SPTBN4: variants seen among roughly 807,000 people sequenced by gnomAD.
SPTBN4 encodes the protein spectrin beta, non-erythrocytic 4.
A neutral mutation model predicts 277.8 loss-of-function variants in SPTBN4; 96 were observed. That is an observed-to-expected ratio of 0.35 (90% CI 0.29 to 0.41). The LOEUF (loss-of-function observed/expected upper bound fraction) is 0.41, where lower values mean the gene tolerates loss of function less well. Among genes scored for constraint, SPTBN4 ranks in the 10% least tolerant of loss-of-function variants. The probability of loss-of-function intolerance (pLI) is 1.00; values close to 1 mark genes in which losing one functional copy is unlikely to be tolerated. For missense variants in SPTBN4, 3,006 were observed against 3,595.7 expected, an observed-to-expected ratio of 0.84 and a Z score of 4.19; for synonymous variants, 1,481 against 1,580.3, an observed-to-expected ratio of 0.94 and a Z score of 1.49.
In SPTBN4 at chr19:40,567,850, G is replaced by T; in HGVS notation, c.6524G>T (p.Arg2175Leu). Residue 2175 changes from arginine to leucine, a missense_variant, in exon 31 of 36, where the codon CGG becomes CTG. Arg to Leu is a moderately radical substitution (Grantham distance 102). Around this residue, in one of 5 missense-constraint regions of SPTBN4, gnomAD observed 630 missense variants for 677.6 expected, o/e 0.93. Transcript: ENST00000598249. ...SDTLSAEVRT[R>L]VGYVRQELKP... Reference sequence around the variant, plus strand: ...ACGCTCTCGGCCGAGGTGCGGACTCGGGTGGGGTATGTGCGCCAGGAGCTC... The same window carrying T: ...ACGCTCTCGGCCGAGGTGCGGACTCTGGTGGGGTATGTGCGCCAGGAGCTC... 6.6e-7 allele frequency: 1 copy of T among 1,524,568 alleles called. No individual in the cohort carries two copies. 94.4% of individuals were successfully genotyped at this position (1,524,568 alleles called of 1,614,324 possible).
intron 1 of SPTBN4, among the ~76,000 whole-genome samples, chr19:40,469,993 A>C (rs1010763144): frequency 7.7e-5 from 11 of 142,194 alleles, no homozygotes; most frequent in Admixed American, 2.1e-4. Flanking sequence ...TTTTATTTTC[A>C]TTTAATTTAA....
chr19:40,504,131 A>G lies in SPTBN4; in HGVS notation c.1664A>G (p.Gln555Arg), dbSNP rs768276549. The change falls in exon 12 of 36, where the codon CAG becomes CGG. Residue 555 changes from glutamine (Q) to arginine (R), a missense_variant and splice_region_variant. Gln to Arg is a conservative substitution (Grantham distance 43). This residue lies in a region of SPTBN4 where 1,759 missense variants were observed against 2,061.5 expected (regional missense o/e 0.85). Transcript: ENST00000598249. Reference sequence around the variant, plus strand: ...ATGGTGGACTGGATGGAGGAGATGCAGGTGCCGGCGGGGGGGCGGGGATGC... The same window carrying G: ...ATGGTGGACTGGATGGAGGAGATGCGGGTGCCGGCGGGGGGGCGGGGATGC... The part of the protein sequence containing the change: ...VYMVDWMEEM[Q>R]AQLLSRECGQ... 7.6e-6 allele frequency: 5 copies of G among 661,810 alleles called. No homozygotes were observed. Among genetic ancestry groups the G allele is most frequent in the South Asian group, 2.3e-5 (1 of 43,336 alleles). The allele number at this position is 661,810 out of a possible 1,614,324, so 41.0% of individuals were successfully genotyped here.
In SPTBN4 at chr19:40,504,137, CGGCGGGGGGGCGGGGA is replaced by C; in HGVS notation, c.1665+6_1665+21del. ...GACTGGATGGAGGAGATGCAGGTGCCGGCGGGGGGGCGGGGATGCGGGTGGAGTGCCAGGAGGGAGG... is the reference window on the plus strand; with the variant it reads ...GACTGGATGGAGGAGATGCAGGTGCCTGCGGGTGGAGTGCCAGGAGGGAGG... On this transcript the variant is annotated splice_donor_region_variant and intron_variant, in intron 12 of 35. Transcript: ENST00000598249. The C allele has an allele frequency of 3.4e-6, 2 of 585,358 alleles. No individual in the cohort carries two copies. Among genetic ancestry groups the C allele is most frequent in the Non-Finnish European group, 4.7e-6 (2 of 422,678 alleles). The allele number at this position is 585,358 out of a possible 1,614,324, so 36.3% of individuals were successfully genotyped here. A position where few individuals can be genotyped will look rare whatever the true frequency, so the allele number is the denominator to read the frequency against.
At chr19:40,522,455 C>T (rs559125877) in intron 16 of SPTBN4, among the ~76,000 whole-genome samples, 2 of 150,550 alleles carry the variant, frequency 1.3e-5, no homozygotes, top group African/African-American at 4.9e-5. Flanking sequence ...TGGGTTCAAG[C>T]GATTCTCCTG....
At position 40,497,567 on chromosome 19, in the gene SPTBN4, G is replaced by T; in HGVS notation, c.747G>T (p.Glu249Asp). ...YNLQRAFRTA[E>D]QHLGLARLLD... ...TGCAGAGAGCCTTCCGCACAGCTGAGCAGCACCTGGGGCTGGCGCGGCTGC... is the reference window on the plus strand; with the variant it reads ...TGCAGAGAGCCTTCCGCACAGCTGATCAGCACCTGGGGCTGGCGCGGCTGC... Residue 249 changes from glutamate to aspartate, a missense_variant, in exon 7 of 36, where the codon GAG becomes GAT. Physicochemically the swap from Glu to Asp is conservative, Grantham distance 45. Coordinates refer to ENST00000598249, the MANE Select transcript of SPTBN4 (RefSeq NM_020971.3). The T allele has an allele frequency of 6.2e-7, 1 of 1,614,042 alleles. No individual in the cohort carries two copies. Among genetic ancestry groups the T allele is most frequent in the Non-Finnish European group, 8.5e-7 (1 of 1,180,016 alleles).
In SPTBN4 at chr19:40,534,110, G is replaced by C. The variant is rs764918604; in HGVS notation, c.4126G>C (p.Glu1376Gln). 13 of 1,607,538 alleles carry C rather than the reference G, an allele frequency of 8.1e-6. No homozygotes were observed. The South Asian group carries it at 1.4e-4, about 18-fold the overall frequency. Residue 1376 changes from glutamate to glutamine, a missense_variant, in exon 20 of 36, where the codon GAA becomes CAA. Glu to Gln is a conservative substitution (Grantham distance 29). Coordinates refer to ENST00000598249, the MANE Select transcript of SPTBN4 (RefSeq NM_020971.3). ...EGQQLMQEKP[E>Q]LAASVRKKLG... is the part of the protein sequence containing the mutation. ...CCAGCAACTGATGCAGGAGAAGCCC[G>C]AACTGGCGGCCTCCGTGCGGAAGAA...
intron 17 of SPTBN4, chr19:40,524,692 A>T: frequency 2.2e-6 from 1 of 449,244 alleles, no homozygotes. Flanking sequence ...AATATTTTGC[A>T]TAAGCACCTC....
At chr19:40,482,759 C>A (rs75707753) in intron 2 of SPTBN4, among the ~76,000 whole-genome samples, 10,400 of 151,568 alleles carry the variant, frequency 0.069, 403 homozygotes, top group African/African-American at 0.1. Flanking sequence ...GTTGGGAGTT[C>A]GAGACCAACC....
At chr19:40,509,340 G>C (rs1341970538) in intron 13 of SPTBN4, among the ~76,000 whole-genome samples, 1 of 152,096 alleles carries the variant, frequency 6.6e-6, no homozygotes, top group Admixed American at 6.6e-5. Flanking sequence ...CTGCCTCCTG[G>C]GTTCAAGCGA....
At position 40,568,334 on chromosome 19, in the gene SPTBN4, C is replaced by CAGG. The variant is rs1029381628; in HGVS notation, c.6956+52_6956+53insAGG. The CAGG allele has an allele frequency of 4.6e-6, 7 of 1,520,772 alleles. No individual in the cohort carries two copies. The Admixed American group carries it at 1.5e-4, about 32-fold the overall frequency. 94.2% of individuals were successfully genotyped at this position (1,520,772 alleles called of 1,614,324 possible). ...AGTGAGGGGAGGGGAAAGCGGAGAG[C>CAGG]TCCTAGAACCCCTCAGGCCCAGTGA... On this transcript the variant is annotated intron_variant, in intron 31 of 35. Coordinates refer to ENST00000598249, the MANE Select transcript of SPTBN4 (RefSeq NM_020971.3).
intron 19 of SPTBN4, among the ~76,000 whole-genome samples, chr19:40,533,693 A>G (rs759482099): frequency 6.7e-6 from 1 of 150,176 alleles, no homozygotes. Flanking sequence ...CTATCCCTCT[A>G]TCCTTGTCTT....
At chr19:40,487,887 G>A (rs1425936518) in intron 3 of SPTBN4, 39 bp downstream of exon 3, 3 of 1,541,448 alleles carry the variant, frequency 1.9e-6, no homozygotes, top group South Asian at 2.4e-5. Flanking sequence ...GGTCCTCCCT[G>A]GGGTCTCAGG....
At chr19:40,494,038 G>T (rs1208715591) in intron 5 of SPTBN4, among the ~76,000 whole-genome samples, 1 of 152,206 alleles carries the variant, frequency 6.6e-6, no homozygotes, top group Non-Finnish European at 1.5e-5. Context: ...GCGGGGTGGG[G>T]TGCAGGCTCT....
At chr19:40,556,499 T>TTTA (rs1168710005) in intron 25 of SPTBN4, among the ~76,000 whole-genome samples, 5 of 152,186 alleles carry the variant, frequency 3.3e-5, no homozygotes, top group African/African-American at 1.2e-4. Context: ...AGCTTATTAT[T>TTTA]TTATTGTTAC....
At position 40,568,234 on chromosome 19, in the gene SPTBN4, A is replaced by G; in HGVS notation, c.6908A>G (p.Gln2303Arg). ...RERRERRLER[Q>R]ESSEQEMPIR... ...CGGCGTGAGCGGCGCTTGGAGCGGCAGGAGTCCAGCGAACAGGAGATGCCC... is the reference window on the plus strand; with the variant it reads ...CGGCGTGAGCGGCGCTTGGAGCGGCGGGAGTCCAGCGAACAGGAGATGCCC... The change falls in exon 31 of 36, where the codon CAG (glutamine) becomes CGG (arginine). Residue 2303 changes from glutamine to arginine, a missense_variant. Gln to Arg is a conservative substitution (Grantham distance 43). This residue lies in a region of SPTBN4 where 630 missense variants were observed against 677.6 expected (regional missense o/e 0.93). Coordinates refer to ENST00000598249, the MANE Select transcript of SPTBN4 (RefSeq NM_020971.3). The G allele has an allele frequency of 1.2e-6, 2 of 1,602,810 alleles. No homozygotes were observed. The highest frequency in any genetic ancestry group is 1.7e-6 in the Non-Finnish European group (2 of 1,175,076).
In SPTBN4 at chr19:40,515,861, T is replaced by G. The variant is rs550910201; in HGVS notation, c.2903+413T>G. Reference sequence around the variant, plus strand: ...AACATGGTGAAACCCCGTCTCTCTCTCTACGTGCGCGCACACACACACACA... The same window carrying G: ...AACATGGTGAAACCCCGTCTCTCTCGCTACGTGCGCGCACACACACACACA... On this transcript the variant is annotated intron_variant, in intron 15 of 35. Coordinates refer to ENST00000598249, the MANE Select transcript of SPTBN4 (RefSeq NM_020971.3). This position sits in a 1 kb window ranked among gnomAD's most constrained non-coding sequence, Gnocchi z 4.1. Among the ~76,000 whole-genome samples the G allele has an allele frequency of 6.7e-6, 1 of 149,818 alleles. No individual in the cohort carries two copies. Among genetic ancestry groups the G allele is most frequent in the South Asian group, 2.1e-4 (1 of 4,680 alleles).
At chr19:40,518,401 T>C (rs1282320930) in intron 15 of SPTBN4, among the ~76,000 whole-genome samples, 1 of 152,096 alleles carries the variant, frequency 6.6e-6, no homozygotes, top group African/African-American at 2.4e-5. Flanking sequence ...TATTAGAACT[T>C]AGTACTGAGA....
Position 40,572,002 on chromosome 19 carries a change from C to G in SPTBN4, c.7320-17C>G, listed in dbSNP as rs2081160024. 1 of 1,529,704 alleles carries G rather than the reference C, an allele frequency of 6.5e-7. No homozygotes were observed. The highest frequency in any genetic ancestry group is 8.8e-7 in the Non-Finnish European group (1 of 1,138,050). The allele number at this position is 1,529,704 out of a possible 1,614,324, so 94.8% of individuals were successfully genotyped here. A position where few individuals can be genotyped will look rare whatever the true frequency, so the allele number is the denominator to read the frequency against. Reference sequence around the variant, plus strand: ...GAGTGCTGCGGCTCTGCCTTGAGCCCCATCTTGTCGCTCCAGGTCGTGGGT... The same window carrying G: ...GAGTGCTGCGGCTCTGCCTTGAGCCGCATCTTGTCGCTCCAGGTCGTGGGT... On this transcript the variant is annotated splice_polypyrimidine_tract_variant and intron_variant, in intron 33 of 35. Coordinates refer to ENST00000598249, the MANE Select transcript of SPTBN4 (RefSeq NM_020971.3).
Position 40,502,701 on chromosome 19 carries a change from A to G in SPTBN4, c.1204-74A>G. The G allele has an allele frequency of 6.4e-7, 1 of 1,557,732 alleles. No homozygotes were observed. On this transcript the variant is annotated intron_variant, in intron 10 of 35. Transcript: ENST00000598249. This position sits in a 1 kb window ranked among gnomAD's most constrained non-coding sequence, Gnocchi z 4.9. Reference sequence around the variant, plus strand: ...TGAAGTTGCCATAATGCTATGAGTGACCTCAGACTAAGTCAAGACCATTAA... The same window carrying G: ...TGAAGTTGCCATAATGCTATGAGTGGCCTCAGACTAAGTCAAGACCATTAA...
Sources: allele counts gnomAD v4.1 joint callset (sites outside exome capture counted in the v4.1 genomes callset), GRCh38; gene constraint gnomAD v4.1.1; regional missense constraint gnomAD v4.1.1; non-coding constraint Gnocchi (gnomAD v3.1); transcripts MANE v1.5; gene names NCBI Gene and HGNC (gene_info 2026-07-23, HGNC 2026-07-21).